The following MTMR14 variants were observed in gnomAD, a reference collection of about 807,000 sequenced individuals.
MTMR14 encodes the protein myotubularin related protein 14, also known as phosphatidylinositol-3,5-bisphosphate 3-phosphatase MTMR14.
Under a neutral mutation model 86.3 loss-of-function variants are expected in MTMR14, and 48 were observed. The ratio of observed to expected loss-of-function variants is 0.56; its 90% CI spans 0.44 to 0.71. MTMR14 has a LOEUF of 0.71. MTMR14 is among the 30% of genes least tolerant of loss of function. MTMR14 has a pLI of 0.00. For missense variants in MTMR14, 780 were observed against 834.6 expected (o/e 0.93, Z 0.81); for synonymous variants, 366 against 326.1 (o/e 1.12, Z -1.32).
At position 9,701,524 on chromosome 3, in the gene MTMR14, G is replaced by GA. The variant is rs200994622; in HGVS notation, c.1770-252dup. The GA allele has an allele frequency of 0.24, 102,237 of 417,878 alleles. 556 individuals carry two copies. Among genetic ancestry groups the GA allele is most frequent in the South Asian group, 0.32 (12,383 of 39,294 alleles). The allele number at this position is 417,878 out of a possible 1,614,324, so 25.9% of individuals were successfully genotyped here. Reference sequence around the variant, plus strand: ...GCAATAGAGTGAGACCTTGTCTCAAGAAAAAAAAAAAAAAGGTTAGTGTCC... The same window carrying GA: ...GCAATAGAGTGAGACCTTGTCTCAAGAAAAAAAAAAAAAAAGGTTAGTGTCC... On this transcript the variant is annotated intron_variant, in intron 18 of 18. Coordinates refer to ENST00000296003, the MANE Select transcript of MTMR14 (RefSeq NM_001077525.3). This position sits in a 1 kb window ranked among gnomAD's most constrained non-coding sequence, Gnocchi z 4.2.
intron 18 of MTMR14, 137 bp downstream of exon 18, chr3:9,698,003 T>C: frequency 7.9e-7 from 1 of 1,258,678 alleles, no homozygotes; most frequent in South Asian, 1.2e-5. Context: ...TCTCAGCTGC[T>C]GGACCCGAGG....
intron 7 of MTMR14, among the ~76,000 whole-genome samples, chr3:9,674,456 C>T (rs1445046016): frequency 6.6e-6 from 1 of 152,216 alleles, no homozygotes. Context: ...AATGATGGCA[C>T]ATCCCTCAGT....
chr3:9,697,869 A>G lies in MTMR14; in HGVS notation c.1769+3A>G, dbSNP rs1199909855. ...GATGAGCTCCCTAACAGTTGTCTGT[A>G]AGTGTCTTGCTTGAGAAGGCAGGAT... On this transcript the variant is annotated splice_donor_region_variant and intron_variant, in intron 18 of 18. Coordinates refer to ENST00000296003, the MANE Select transcript of MTMR14 (RefSeq NM_001077525.3). 2.5e-6 allele frequency: 4 copies of G among 1,613,954 alleles called. No homozygotes were observed. The highest frequency in any genetic ancestry group is 3.4e-6 in the Non-Finnish European group (4 of 1,180,014).
rs546457258 is a variant in MTMR14, at chr3:9,651,632, C to G, written c.159+1890C>G. On this transcript the variant is annotated intron_variant, in intron 1 of 18. Transcript: ENST00000296003. ...GGAGTTAGATCTGTAACTGAACAAT[C>G]GATTGAGATAACTCACTACCTTTGG... is the stretch of plus-strand genomic sequence containing the variant. 5.9e-5 allele frequency among the ~76,000 whole-genome samples: 9 copies of G among 152,248 alleles called. No individual in the cohort carries two copies. The South Asian group carries it at 1.7e-3, about 28-fold the overall frequency.
Position 9,649,568 on chromosome 3 carries a change from G to C in MTMR14, c.-16G>C, listed in dbSNP as rs1186202790. 4 of 1,538,144 alleles carry C rather than the reference G, an allele frequency of 2.6e-6. No individual in the cohort carries two copies. Among genetic ancestry groups the C allele is most frequent in the Admixed American group, 2.0e-5 (1 of 49,904 alleles). The stretch of plus-strand genomic sequence containing the variant: ...GGGCCCGCTTGAGGCACACTGAGGG[G>C]ACGCGGGGCTGGGCCATGGCCGGCG... On this transcript the variant is annotated 5_prime_UTR_variant, in exon 1 of 19. Transcript: ENST00000296003.
In MTMR14 at chr3:9,701,561, C is replaced by T. The variant is rs1201988667; in HGVS notation, c.1770-229C>T. The T allele has an allele frequency of 1.8e-5, 11 of 594,722 alleles. No homozygotes were observed. Among genetic ancestry groups the T allele is most frequent in the African/African-American group, 5.6e-5 (3 of 53,482 alleles). 36.8% of individuals were successfully genotyped at this position (594,722 alleles called of 1,614,324 possible). A position where few individuals can be genotyped will look rare whatever the true frequency, so the allele number is the denominator to read the frequency against. On this transcript the variant is annotated intron_variant, in intron 18 of 18. Coordinates refer to ENST00000296003, the MANE Select transcript of MTMR14 (RefSeq NM_001077525.3). The surrounding 1 kb of genome is among the most constrained non-coding windows in gnomAD (Gnocchi z 4.2). ...AAAGGTTAGTGTCCCAGTAAAAGCT[C>T]CTGCTCTAGGTGGGAACAGTAGCCT...
intron 7 of MTMR14, 53 bp downstream of exon 7, chr3:9,672,811 C>A: frequency 6.5e-7 from 1 of 1,539,088 alleles, no homozygotes; most frequent in Non-Finnish European, 9.0e-7. Context: ...ACCTTGGGGG[C>A]CATGAGCAAG....
At chr3:9,661,534 A>G (rs1049422553) in intron 2 of MTMR14, among the ~76,000 whole-genome samples, 4 of 152,120 alleles carry the variant, frequency 2.6e-5, no homozygotes, top group Non-Finnish European at 4.4e-5. Context: ...TGCTTGCTCT[A>G]AAAGATCACA....
rs1427786288 is a variant in MTMR14, at chr3:9,669,122, A to C, written c.494-310A>C. On this transcript the variant is annotated intron_variant, in intron 4 of 18. Coordinates refer to ENST00000296003, the MANE Select transcript of MTMR14 (RefSeq NM_001077525.3). Reference sequence around the variant, plus strand: ...GCCACTGCACTCCAGCCTGGGCAACAGAGTGAGACTCCGTCTCAAAAAAAA... The same window carrying C: ...GCCACTGCACTCCAGCCTGGGCAACCGAGTGAGACTCCGTCTCAAAAAAAA... 2.6e-5 allele frequency among the ~76,000 whole-genome samples: 4 copies of C among 151,400 alleles called. No individual in the cohort carries two copies. In the East Asian group the frequency reaches 7.8e-4, roughly 29 times the overall value.
At chr3:9,678,095 GGGAGTGGTGACCAA>G in intron 9 of MTMR14, 37 bp downstream of exon 9, 1 of 1,608,354 alleles carries the variant, frequency 6.2e-7, no homozygotes, top group Non-Finnish European at 8.5e-7. Context: ...GGCAGGATAA[GGGAGTGGTGACCAA>G]GGAGACTCTT....
Position 9,677,957 on chromosome 3 carries a change from A to G in MTMR14, c.823-27A>G. 1.9e-6 allele frequency: 3 copies of G among 1,612,378 alleles called. No individual in the cohort carries two copies. The highest frequency in any genetic ancestry group is 2.5e-6 in the Non-Finnish European group (3 of 1,178,754). On this transcript the variant is annotated intron_variant, in intron 8 of 18. Transcript: ENST00000296003. This position sits in a 1 kb window ranked among gnomAD's most constrained non-coding sequence, Gnocchi z 4.2. Reference sequence around the variant, plus strand: ...AAGCCTCCTCTGGTGGCCAACCCACATCTCACAGGAGTCTTTCTGTCCCCA... The same window carrying G: ...AAGCCTCCTCTGGTGGCCAACCCACGTCTCACAGGAGTCTTTCTGTCCCCA...
Position 9,701,413 on chromosome 3 carries a change from G to A in MTMR14, c.1770-377G>A, listed in dbSNP as rs919499105. 2 of 324,346 alleles carry A rather than the reference G, an allele frequency of 6.2e-6. No individual in the cohort carries two copies. Among genetic ancestry groups the A allele is most frequent in the African/African-American group, 4.3e-5 (2 of 46,032 alleles). The allele number at this position is 324,346 out of a possible 1,614,324, so 20.1% of individuals were successfully genotyped here. On this transcript the variant is annotated intron_variant, in intron 18 of 18. Coordinates refer to ENST00000296003, the MANE Select transcript of MTMR14 (RefSeq NM_001077525.3). This position sits in a 1 kb window ranked among gnomAD's most constrained non-coding sequence, Gnocchi z 4.2. ...AACCCTATCATGGTGGCATGTGCCT[G>A]TAGTCCCAGCTACTTGAGGGGCTGA...
intron 17 of MTMR14, among the ~76,000 whole-genome samples, chr3:9,694,942 C>T (rs1002493253): frequency 7.9e-5 from 12 of 152,196 alleles, no homozygotes; most frequent in Admixed American, 6.5e-4. Flanking sequence ...AGGCAGAGGT[C>T]TGAGCCGCTG....
At position 9,677,677 on chromosome 3, in the gene MTMR14, G is replaced by A. The variant is rs1432356086; in HGVS notation, c.822+290G>A. Among the ~76,000 whole-genome samples, 1 of 152,174 alleles carries A rather than the reference G, an allele frequency of 6.6e-6. No homozygotes were observed. Among genetic ancestry groups the A allele is most frequent in the Admixed American group, 6.5e-5 (1 of 15,286 alleles). ...CTGTACTCTCTGTGTGAAAGCTGGGGGCAGCATTCTTTGCCTTCCCCAGCC... is the reference window on the plus strand; with the variant it reads ...CTGTACTCTCTGTGTGAAAGCTGGGAGCAGCATTCTTTGCCTTCCCCAGCC... On this transcript the variant is annotated intron_variant, in intron 8 of 18. Coordinates refer to ENST00000296003, the MANE Select transcript of MTMR14 (RefSeq NM_001077525.3). This position sits in a 1 kb window ranked among gnomAD's most constrained non-coding sequence, Gnocchi z 4.2.
chr3:9,690,860 C>T (rs1326259701), intron 17 of MTMR14, among the ~76,000 whole-genome samples: 1 of 152,192 alleles, frequency 6.6e-6, no homozygotes, highest in African/African-American at 2.4e-5. Context: ...GGACTTCAGG[C>T]CCTTAGTGAA....
chr3:9,683,053 T>A (rs1426270605), intron 9 of MTMR14, 125 bp from the exon 10 acceptor site: 2 of 721,972 alleles, frequency 2.8e-6, no homozygotes, highest in African/African-American at 1.8e-5. Flanking sequence ...ATTCAAAACC[T>A]ATGGTCTGTA....
intron 17 of MTMR14, among the ~76,000 whole-genome samples, chr3:9,696,176 A>G (rs952513210): frequency 6.6e-6 from 1 of 152,202 alleles, no homozygotes; most frequent in African/African-American, 2.4e-5. Context: ...CTGTTTCAGG[A>G]CAAATGTGTA....
rs769182078 is a variant in MTMR14, at chr3:9,684,926, C to G, written c.1089C>G (p.Ile363Met). 2.5e-6 allele frequency: 4 copies of G among 1,614,172 alleles called. No homozygotes were observed. In the Admixed American group the frequency reaches 5.0e-5, roughly 20 times the overall value. Reference sequence around the variant, plus strand: ...ACACGTCCCTGAAGCCCACTGAGATCCTCTACCTCACTGTGGCCTATGACT... The same window carrying G: ...ACACGTCCCTGAAGCCCACTGAGATGCTCTACCTCACTGTGGCCTATGACT... ...LIHTSLKPTEILYLTVAYDWF... is the reference protein window; with the variant it reads ...LIHTSLKPTEMLYLTVAYDWF... Residue 363 changes from isoleucine to methionine, a missense_variant, in exon 12 of 19, where the codon ATC (isoleucine) becomes ATG (methionine). Physicochemically the swap from Ile to Met is conservative, Grantham distance 10. Transcript: ENST00000296003.
intron 7 of MTMR14, among the ~76,000 whole-genome samples, chr3:9,673,690 T>C (rs113479826): frequency 0.026 from 4,013 of 152,178 alleles, 166 homozygotes; most frequent in African/African-American, 0.091. Context: ...ATGTGCAAGC[T>C]GGGGGCAGGA....
Sources: allele counts gnomAD v4.1 joint callset (sites outside exome capture counted in the v4.1 genomes callset), GRCh38; gene constraint gnomAD v4.1.1; non-coding constraint Gnocchi (gnomAD v3.1); transcripts MANE v1.5; gene names NCBI Gene and HGNC (gene_info 2026-07-23, HGNC 2026-07-21).